The following NALF1 variants were observed in gnomAD, a reference collection of about 807,000 sequenced individuals.
NALF1 encodes the protein family with sequence similarity 155 member A.
In NALF1, 3 loss-of-function variants were observed where a neutral mutation model predicts 48.4. The observed-to-expected ratio is 0.06, with a 90% CI of 0.03 to 0.16. The LOEUF (loss-of-function observed/expected upper bound fraction) is 0.16. Among genes scored for constraint, NALF1 ranks in the 10% least tolerant of loss-of-function variants. The pLI is 1.00. For missense variants in NALF1, 526 were observed against 571.5 expected, an observed-to-expected ratio of 0.92 and a Z score of 0.81; for synonymous variants, 262 against 245.7, an observed-to-expected ratio of 1.07 and a Z score of -0.62.
At chr13:107,299,807 A>T (rs1881805027) in intron 1 of NALF1, among the ~76,000 whole-genome samples, 1 of 151,918 alleles carries the variant, frequency 6.6e-6, no homozygotes, top group East Asian at 1.9e-4. Flanking sequence ...TTGATTGCTT[A>T]ATTGTCCTAC....
At chr13:107,626,331 C>T (rs955147226) in intron 1 of NALF1, among the ~76,000 whole-genome samples, 1 of 152,000 alleles carries the variant, frequency 6.6e-6, no homozygotes, top group Admixed American at 6.6e-5. Flanking sequence ...CAAATTAGTA[C>T]AGCCACTATA....
intron 1 of NALF1, among the ~76,000 whole-genome samples, chr13:107,658,280 T>C (rs1245743589): frequency 6.6e-6 from 1 of 152,056 alleles, no homozygotes; most frequent in Non-Finnish European, 1.5e-5. Flanking sequence ...TGCCAATTAT[T>C]CTCTCCTCTC....
At chr13:107,454,199 G>A (rs75223772) in intron 1 of NALF1, among the ~76,000 whole-genome samples, 19,580 of 152,006 alleles carry the variant, frequency 0.13, 1,400 homozygotes, top group South Asian at 0.18. Flanking sequence ...CCACATTTTC[G>A]GGTATCTTTA....
At chr13:107,550,068 A>G (rs1301384905) in intron 1 of NALF1, among the ~76,000 whole-genome samples, 1 of 152,170 alleles carries the variant, frequency 6.6e-6, no homozygotes, top group Non-Finnish European at 1.5e-5. Context: ...TCGCTTAAGT[A>G]AAATGACCAC....
At chr13:107,797,962 G>A (rs374381905) in intron 1 of NALF1, among the ~76,000 whole-genome samples, 2 of 152,042 alleles carry the variant, frequency 1.3e-5, no homozygotes, top group Non-Finnish European at 2.9e-5. Flanking sequence ...TAAAAAATTT[G>A]AAAGCAATTT....
intron 2 of NALF1, among the ~76,000 whole-genome samples, chr13:107,205,079 T>C (rs970345089): frequency 6.6e-6 from 1 of 152,032 alleles, no homozygotes; most frequent in Non-Finnish European, 1.5e-5. Flanking sequence ...TATGTATACA[T>C]GTGCCACGCT....
At chr13:107,433,673 AT>A (rs1884419285) in intron 1 of NALF1, among the ~76,000 whole-genome samples, 1 of 152,080 alleles carries the variant, frequency 6.6e-6, no homozygotes, top group Admixed American at 6.5e-5. Context: ...TAAGGCACAA[AT>A]TCAAAAAAAA....
intron 1 of NALF1, among the ~76,000 whole-genome samples, chr13:107,864,887 C>T (rs1033238968): frequency 6.6e-6 from 1 of 152,290 alleles, no homozygotes; most frequent in African/African-American, 2.4e-5. Flanking sequence ...ATAATACAGA[C>T]TATTAAATAT....
chr13:107,549,217 T>G (rs1877221014), intron 1 of NALF1, among the ~76,000 whole-genome samples: 1 of 152,190 alleles, frequency 6.6e-6, no homozygotes, highest in Admixed American at 6.5e-5. Context: ...ATCTATGACA[T>G]CATTCCTTAC....
At chr13:107,639,417 T>C (rs1880089010) in intron 1 of NALF1, among the ~76,000 whole-genome samples, 1 of 152,164 alleles carries the variant, frequency 6.6e-6, no homozygotes, top group South Asian at 2.1e-4. Context: ...ATGCACGCAT[T>C]TGCTCATAGT....
chr13:107,419,713 T>C (rs968109783), intron 1 of NALF1, among the ~76,000 whole-genome samples: 3 of 152,228 alleles, frequency 2.0e-5, no homozygotes, highest in African/African-American at 4.8e-5. Context: ...ATAAGCATGA[T>C]GTATGAAATA....
At chr13:107,214,468 A>T (rs1451119588) in intron 1 of NALF1, among the ~76,000 whole-genome samples, 1 of 152,192 alleles carries the variant, frequency 6.6e-6, no homozygotes, top group African/African-American at 2.4e-5. Context: ...ATATGAAACG[A>T]AAGAATAACT....
intron 1 of NALF1, among the ~76,000 whole-genome samples, chr13:107,577,543 G>C (rs1878188510): frequency 6.6e-6 from 1 of 152,048 alleles, no homozygotes; most frequent in Non-Finnish European, 1.5e-5. Flanking sequence ...GGAAAGGTGT[G>C]TTCATAATTC....
At chr13:107,822,866 T>C (rs1879397923) in intron 1 of NALF1, among the ~76,000 whole-genome samples, 1 of 152,202 alleles carries the variant, frequency 6.6e-6, no homozygotes, top group Non-Finnish European at 1.5e-5. Context: ...AATGGTCAGT[T>C]AAGCTGCTAT....
At chr13:107,432,847 T>C (rs748455221) in intron 1 of NALF1, among the ~76,000 whole-genome samples, 1 of 152,222 alleles carries the variant, frequency 6.6e-6, no homozygotes, top group African/African-American at 2.4e-5. Flanking sequence ...CATTTATAAT[T>C]GTGTGGCAAT....
intron 1 of NALF1, among the ~76,000 whole-genome samples, chr13:107,531,742 G>T (rs1876646990): frequency 4.6e-5 from 7 of 151,356 alleles, no homozygotes. Context: ...TTCTTTTGTT[G>T]TTGTTTGACT....
At chr13:107,819,756 T>TCTCC (rs1448031734) in intron 1 of NALF1, among the ~76,000 whole-genome samples, 1 of 150,656 alleles carries the variant, frequency 6.6e-6, no homozygotes, top group Non-Finnish European at 1.5e-5. Flanking sequence ...CTGGAAACTC[T>TCTCC]CTCTCTTTCA....
rs933979537 is a variant in NALF1, at chr13:107,341,459, A to G, written c.916-130704T>C. Among the ~76,000 whole-genome samples, 3 of 152,036 alleles carry G rather than the reference A, an allele frequency of 2.0e-5. No individual in the cohort carries two copies. The South Asian group carries it at 6.2e-4, about 32-fold the overall frequency. The stretch of plus-strand genomic sequence containing the variant: ...TAAGACTTTGTGAGTTTGGATTCCT[A>G]CTATGCTACTTGACCTTGGGCAACT... On this transcript the variant is annotated intron_variant, in intron 1 of 2. Transcript: ENST00000375915.
chr13:107,478,736 T>A (rs1885210295), intron 1 of NALF1, among the ~76,000 whole-genome samples: 1 of 152,148 alleles, frequency 6.6e-6, no homozygotes. Flanking sequence ...TTTATAATTT[T>A]TTTTTGCATA....
Sources: allele counts gnomAD v4.1 joint callset (sites outside exome capture counted in the v4.1 genomes callset), GRCh38; gene constraint gnomAD v4.1.1; transcripts MANE v1.5; gene names NCBI Gene and HGNC (gene_info 2026-07-23, HGNC 2026-07-21).